PLCL1: variants seen among roughly 807,000 people sequenced by gnomAD.
PLCL1 encodes inactive phospholipase C-like protein 1.
In PLCL1, 41 loss-of-function variants were observed where a neutral mutation model predicts 84.4. The observed-to-expected ratio is 0.49, with a 90% CI of 0.38 to 0.63. The LOEUF (loss-of-function observed/expected upper bound fraction) is 0.63. Among genes scored for constraint, PLCL1 ranks in the 30% least tolerant of loss-of-function variants. The pLI is 0.00. For missense variants in PLCL1, 1,206 were observed against 1,367.8 expected (o/e 0.88, Z 1.87); for synonymous variants, 490 against 488.3 (o/e 1.00, Z -0.05).
At chr2:198,122,004 C>T (rs139421288) in intron 5 of PLCL1, among the ~76,000 whole-genome samples, 7 of 152,144 alleles carry the variant, frequency 4.6e-5, no homozygotes, top group Non-Finnish European at 8.8e-5. Flanking sequence ...TCAATTCATG[C>T]TGTGTACAGG....
chr2:198,085,185 A>G lies in PLCL1; in HGVS notation c.1668A>G (p.Thr556=). Residue 556 remains threonine, a synonymous_variant, in exon 2 of 6, where the codon ACA becomes ACG. Coordinates refer to ENST00000428675, the MANE Select transcript of PLCL1 (RefSeq NM_006226.4). The surrounding 1 kb of genome is among the most constrained non-coding windows in gnomAD (Gnocchi z 5.3). Reference sequence around the variant, plus strand: ...CAGATGTGTTAGAAGGAGAAGTAACAGATGAAGATGAAGAAGCTGAAATGT... The same window carrying G: ...CAGATGTGTTAGAAGGAGAAGTAACGGATGAAGATGAAGAAGCTGAAATGT... ...SDPDVLEGEV[T]DEDEEAEMSR... 6.2e-7 allele frequency: 1 copy of G among 1,613,866 alleles called. No homozygotes were observed. The highest frequency in any genetic ancestry group is 8.5e-7 in the Non-Finnish European group (1 of 1,179,892).
At chr2:198,137,468 C>T (rs1033520129) in intron 5 of PLCL1, among the ~76,000 whole-genome samples, 3 of 152,076 alleles carry the variant, frequency 2.0e-5, no homozygotes, top group Non-Finnish European at 2.9e-5. Context: ...ATAGAGAAAA[C>T]GTAAGGAAAA....
chr2:198,002,883 CA>C (rs1490465940), intron 1 of PLCL1, among the ~76,000 whole-genome samples: 36 of 152,118 alleles, frequency 2.4e-4, no homozygotes, highest in Non-Finnish European at 4.4e-5. Context: ...GCTCTTCTAC[CA>C]TGCACTTTGT....
At chr2:197,936,626 T>C (rs181179692) in intron 1 of PLCL1, among the ~76,000 whole-genome samples, 1 of 152,250 alleles carries the variant, frequency 6.6e-6, no homozygotes, top group Admixed American at 6.5e-5. Context: ...GTTGCCTAAG[T>C]TTCTTATATA....
intron 1 of PLCL1, among the ~76,000 whole-genome samples, chr2:197,923,382 G>T (rs1688759381): frequency 6.9e-6 from 1 of 144,472 alleles, no homozygotes; most frequent in East Asian, 2.2e-4. Context: ...CCGGTCGGAG[G>T]GTCTCCTCAC....
At chr2:197,897,191 C>CCTTCTTCTCCTT (rs373944277) in intron 1 of PLCL1, among the ~76,000 whole-genome samples, 647 of 32,062 alleles carry the variant, frequency 0.02, 78 homozygotes, top group East Asian at 0.056. Flanking sequence ...TTCTTCTTCT[C>CCTTCTTCTCCTT]CTTCTCCTTC....
At chr2:198,032,874 G>T (rs530039945) in intron 1 of PLCL1, among the ~76,000 whole-genome samples, 1 of 152,156 alleles carries the variant, frequency 6.6e-6, no homozygotes, top group South Asian at 2.1e-4. Flanking sequence ...CCCTCCCTCT[G>T]ACCCAATTAA....
rs780268381 is a variant in PLCL1 at position 198,146,906 on chromosome 2, C to T, written c.3232C>T (p.Arg1078Cys). 1.7e-5 allele frequency: 28 copies of T among 1,612,924 alleles called. No homozygotes were observed. The highest frequency in any genetic ancestry group is 1.5e-4 in the South Asian group (14 of 90,928). ...CAGCAGTGCTGAGGCCAAGAGCAAG[C>T]GCAGCCTGGAAGCCATAGAGGAGAA... The part of the protein sequence containing the change: ...PSSSAEAKSK[R>C]SLEAIEEKES... The change falls in exon 6 of 6, where the codon CGC becomes TGC. Residue 1078 changes from arginine to cysteine, a missense_variant. Arg to Cys is a radical substitution (Grantham distance 180). Transcript: ENST00000428675.
chr2:197,829,809 G>T (rs569512577), intron 1 of PLCL1, among the ~76,000 whole-genome samples: 14 of 152,270 alleles, frequency 9.2e-5, no homozygotes, highest in African/African-American at 3.4e-4. Context: ...GTCATCCAGT[G>T]CTCTTTGCAT....
At chr2:198,047,917 A>G (rs183922969) in intron 1 of PLCL1, among the ~76,000 whole-genome samples, 10 of 152,242 alleles carry the variant, frequency 6.6e-5, no homozygotes, top group Admixed American at 6.5e-5. Flanking sequence ...CGCTCCTTGC[A>G]TAACTCTTCC....
At chr2:198,031,612 T>G (rs1434201067) in intron 1 of PLCL1, among the ~76,000 whole-genome samples, 1 of 150,884 alleles carries the variant, frequency 6.6e-6, no homozygotes, top group African/African-American at 2.4e-5. Flanking sequence ...CATCTTAGCT[T>G]CCCCAGTGCT....
chr2:198,057,549 G>T (rs535626618), intron 1 of PLCL1, among the ~76,000 whole-genome samples: 8 of 152,148 alleles, frequency 5.3e-5, no homozygotes, highest in Non-Finnish European at 1.0e-4. Flanking sequence ...TATCAGTTTT[G>T]GTTACCCAGT....
intron 1 of PLCL1, among the ~76,000 whole-genome samples, chr2:197,824,039 T>C (rs1690875350): frequency 6.6e-6 from 1 of 152,196 alleles, no homozygotes; most frequent in Non-Finnish European, 1.5e-5. Context: ...ACTTACAGAA[T>C]TTGACACTAT....
chr2:197,913,163 C>T (rs1688524506), intron 1 of PLCL1, among the ~76,000 whole-genome samples: 1 of 152,116 alleles, frequency 6.6e-6, no homozygotes, highest in African/African-American at 2.4e-5. Context: ...GGTGTTCTCT[C>T]TGGAGGCAGA....
chr2:197,909,198 T>C (rs1236955751), intron 1 of PLCL1, among the ~76,000 whole-genome samples: 4 of 152,230 alleles, frequency 2.6e-5, no homozygotes, highest in Admixed American at 6.5e-5. Context: ...CGTCAGAGGA[T>C]TGGAAGTCTC....
At chr2:198,119,128 AGTT>A (rs935951951) in intron 5 of PLCL1, among the ~76,000 whole-genome samples, 4 of 152,012 alleles carry the variant, frequency 2.6e-5, no homozygotes, top group African/African-American at 9.7e-5. Context: ...AACCAAACAT[AGTT>A]GATTCAGTTT....
chr2:197,850,549 G>T (rs560484646), intron 1 of PLCL1, among the ~76,000 whole-genome samples: 5 of 152,220 alleles, frequency 3.3e-5, no homozygotes, highest in Admixed American at 3.3e-4. Context: ...AATTAGGAGG[G>T]TTCAGTACTT....
At chr2:197,921,291 T>C (rs2105754897) in intron 1 of PLCL1, among the ~76,000 whole-genome samples, 1 of 152,332 alleles carries the variant, frequency 6.6e-6, no homozygotes, top group Non-Finnish European at 1.5e-5. Flanking sequence ...TATTGAATGA[T>C]AGCAAACCAG....
At chr2:197,946,982 T>G (rs2105779314) in intron 1 of PLCL1, among the ~76,000 whole-genome samples, 1 of 152,152 alleles carries the variant, frequency 6.6e-6, no homozygotes, top group South Asian at 2.1e-4. Context: ...AAGCAAATCC[T>G]TAGGGCTTCT....
Sources: allele counts gnomAD v4.1 joint callset (sites outside exome capture counted in the v4.1 genomes callset), GRCh38; gene constraint gnomAD v4.1.1; non-coding constraint Gnocchi (gnomAD v3.1); transcripts MANE v1.5; gene names NCBI Gene and HGNC (gene_info 2026-07-23, HGNC 2026-07-21).